NUBPL: variants seen among roughly 807,000 people sequenced by gnomAD.
NUBPL encodes the protein NUBP iron-sulfur cluster assembly factor, mitochondrial, also known as iron-sulfur cluster transfer protein NUBPL.
A neutral mutation model predicts 45.7 loss-of-function variants in NUBPL; 31 were observed. The observed-to-expected ratio is 0.68, with a 90% CI of 0.51 to 0.92. The LOEUF is 0.92. Among genes scored for constraint, NUBPL ranks in the 40% least tolerant of loss-of-function variants. The probability of loss-of-function intolerance (pLI) is 0.00; values close to 1 mark genes in which losing one functional copy is unlikely to be tolerated. For missense variants in NUBPL, 401 were observed against 398.7 expected (o/e 1.01, Z -0.05); for synonymous variants, 144 against 140.9 (o/e 1.02, Z -0.15).
rs1400878079 is a variant in NUBPL at position 31,826,634 on chromosome 14, G to C, written c.613G>C (p.Val205Leu). 3.7e-6 allele frequency: 6 copies of C among 1,613,922 alleles called. No individual in the cohort carries two copies. In the African/African-American group the frequency reaches 6.7e-5, roughly 18 times the overall value. Residue 205 changes from valine to leucine, a missense_variant, in exon 8 of 11, where the codon GTG becomes CTG. Physicochemically the swap from Val to Leu is conservative, Grantham distance 32 (BLOSUM62 1). Coordinates refer to ENST00000281081, the MANE Select transcript of NUBPL (RefSeq NM_025152.3). The part of the protein sequence containing the change: ...VSQNIPITGA[V>L]IVSTPQDIAL... ...TTTTGTTTATCTTTGGCTAGGTGCTGTGATTGTCTCCACGCCCCAGGACAT... is the reference window on the plus strand; with the variant it reads ...TTTTGTTTATCTTTGGCTAGGTGCTCTGATTGTCTCCACGCCCCAGGACAT...
At position 31,660,937 on chromosome 14, in the gene NUBPL, C is replaced by A. The variant is rs112631670; in HGVS notation, c.383-12418C>A. 8.5e-3 allele frequency among the ~76,000 whole-genome samples: 1,287 copies of A among 152,282 alleles called. 17 individuals are homozygous for A. Among genetic ancestry groups the A allele is most frequent in the African/African-American group, 0.029 (1,222 of 41,570 alleles). The stretch of plus-strand genomic sequence containing the variant: ...TTATCCCTGGAACATGTAAAGATGT[C>A]AACTTTAATAGGAAGATGTAAAGCA... On this transcript the variant is annotated intron_variant, in intron 4 of 10. Coordinates refer to ENST00000281081, the MANE Select transcript of NUBPL (RefSeq NM_025152.3).
chr14:31,640,983 C>G (rs1403379929), intron 4 of NUBPL, among the ~76,000 whole-genome samples: 1 of 151,850 alleles, frequency 6.6e-6, no homozygotes, highest in Non-Finnish European at 1.5e-5. Context: ...GACAGAGTCC[C>G]ACTCTGTCAC....
At chr14:31,722,084 C>G (rs1029698678) in intron 6 of NUBPL, among the ~76,000 whole-genome samples, 1 of 152,166 alleles carries the variant, frequency 6.6e-6, no homozygotes, top group African/African-American at 2.4e-5. Context: ...GCAAGCTCCA[C>G]CTCCTGGGTT....
At chr14:31,760,144 T>TGTGTGTGTGTGTGTGTGTGTGTGA in intron 6 of NUBPL, among the ~76,000 whole-genome samples, 6 of 34,840 alleles carry the variant, frequency 1.7e-4, no homozygotes, top group African/African-American at 5.4e-4. Context: ...TGTGTGTGTG[T>TGTGTGTGTGTGTGTGTGTGTGTGA]GAGAGAGAGA....
intron 6 of NUBPL, among the ~76,000 whole-genome samples, chr14:31,684,599 A>G (rs2036910701): frequency 1.3e-5 from 2 of 152,180 alleles, no homozygotes; most frequent in South Asian, 4.1e-4. Flanking sequence ...CCATGGCCCA[A>G]GTTGAGAGAT....
At chr14:31,710,641 CCCG>C (rs1430439498) in intron 6 of NUBPL, among the ~76,000 whole-genome samples, 35 of 152,284 alleles carry the variant, frequency 2.3e-4, no homozygotes, top group African/African-American at 8.2e-4. Context: ...TGGAACCTTA[CCCG>C]TGTCCTATAA....
chr14:31,643,828 T>C (rs1213223283), intron 4 of NUBPL, among the ~76,000 whole-genome samples: 1 of 152,120 alleles, frequency 6.6e-6, no homozygotes, highest in Non-Finnish European at 1.5e-5. Flanking sequence ...TCATTACTTA[T>C]TGGTTAGTTG....
chr14:31,583,378 C>T (rs1053267086), intron 3 of NUBPL, among the ~76,000 whole-genome samples: 1 of 152,024 alleles, frequency 6.6e-6, no homozygotes, highest in Non-Finnish European at 1.5e-5. Flanking sequence ...CTGTAAAGCA[C>T]GTTTATTAAC....
At chr14:31,572,489 C>T (rs986533403) in intron 3 of NUBPL, among the ~76,000 whole-genome samples, 2 of 152,146 alleles carry the variant, frequency 1.3e-5, no homozygotes, top group Non-Finnish European at 1.5e-5. Flanking sequence ...CTTGGCTACC[C>T]TCAGCAGCTA....
chr14:31,782,940 T>C lies in NUBPL; in HGVS notation c.514-4840T>C, dbSNP rs147401752. 6.5e-3 allele frequency among the ~76,000 whole-genome samples: 994 copies of C among 152,358 alleles called. 11 individuals carry two copies. The highest frequency in any genetic ancestry group is 0.022 in the African/African-American group (931 of 41,592). The stretch of plus-strand genomic sequence containing the variant: ...AGAGACCAAACATATTTAGTCTTTC[T>C]ATTAAATTTAAGAAGTCAAGGAGAG... On this transcript the variant is annotated intron_variant, in intron 6 of 10. Transcript: ENST00000281081.
chr14:31,694,001 A>G (rs1047619918), intron 6 of NUBPL, among the ~76,000 whole-genome samples: 1 of 151,248 alleles, frequency 6.6e-6, no homozygotes, highest in Non-Finnish European at 1.5e-5. Context: ...GATTACAGGC[A>G]CCCGCCACCA....
At chr14:31,699,238 ATAGT>A (rs1315210399) in intron 6 of NUBPL, among the ~76,000 whole-genome samples, 2 of 152,196 alleles carry the variant, frequency 1.3e-5, no homozygotes, top group Non-Finnish European at 2.9e-5. Flanking sequence ...TTAGACTTTT[ATAGT>A]TAGTTTATTT....
At chr14:31,828,364 T>G (rs2040137404) in intron 8 of NUBPL, among the ~76,000 whole-genome samples, 1 of 152,236 alleles carries the variant, frequency 6.6e-6, no homozygotes, top group African/African-American at 2.4e-5. Flanking sequence ...CCAAAAATTA[T>G]GACATTGACT....
chr14:31,848,458 A>G (rs2040487530), intron 9 of NUBPL, among the ~76,000 whole-genome samples: 1 of 152,170 alleles, frequency 6.6e-6, no homozygotes, highest in Non-Finnish European at 1.5e-5. Flanking sequence ...CGTGTTTTAA[A>G]TGATTATTTG....
At chr14:31,565,675 C>T (rs1319296784) in intron 3 of NUBPL, among the ~76,000 whole-genome samples, 1 of 151,802 alleles carries the variant, frequency 6.6e-6, no homozygotes, top group Non-Finnish European at 1.5e-5. Context: ...AGGTTGGGTC[C>T]CATTTTTTCC....
chr14:31,612,811 A>G (rs1201947649), intron 4 of NUBPL, among the ~76,000 whole-genome samples: 3 of 152,246 alleles, frequency 2.0e-5, no homozygotes, highest in Non-Finnish European at 4.4e-5. Context: ...AAATGCAAGG[A>G]TGTGGAGGAA....
intron 7 of NUBPL, among the ~76,000 whole-genome samples, chr14:31,811,492 C>T (rs2138906026): frequency 6.6e-6 from 1 of 152,294 alleles, no homozygotes; most frequent in Non-Finnish European, 1.5e-5. Flanking sequence ...GTCTTCTCTG[C>T]ACTGTTTATT....
intron 4 of NUBPL, among the ~76,000 whole-genome samples, chr14:31,632,769 G>C (rs17098029): frequency 0.3 from 44,920 of 151,982 alleles, 7,485 homozygotes; most frequent in South Asian, 0.41. Flanking sequence ...AATTAATCAA[G>C]TTTGCCCATT....
At chr14:31,810,912 A>T (rs1206886251) in intron 7 of NUBPL, among the ~76,000 whole-genome samples, 1 of 152,182 alleles carries the variant, frequency 6.6e-6, no homozygotes, top group Non-Finnish European at 1.5e-5. Context: ...TCTGGGTTGA[A>T]AATTCTTTTC....
Sources: allele counts gnomAD v4.1 joint callset (sites outside exome capture counted in the v4.1 genomes callset), GRCh38; gene constraint gnomAD v4.1.1; transcripts MANE v1.5; gene names NCBI Gene and HGNC (gene_info 2026-07-23, HGNC 2026-07-21).